ADCY8: variants seen among roughly 807,000 people sequenced by gnomAD.
ADCY8 encodes adenylate cyclase type 8.
Under a neutral mutation model 119.7 loss-of-function variants are expected in ADCY8, and 51 were observed. That is an observed-to-expected ratio of 0.43 (90% confidence interval 0.34 to 0.54). The LOEUF is 0.54. Among genes scored for constraint, ADCY8 ranks in the 20% least tolerant of loss-of-function variants. The pLI, the probability that ADCY8 is intolerant of heterozygous loss-of-function variation, is 0.03. For missense variants in ADCY8, 1,383 were observed against 1,598.8 expected (o/e 0.87, Z 2.30); for synonymous variants, 665 against 651.0 (o/e 1.02, Z -0.33).
At chr8:130,939,780 C>A (rs1315556472) in intron 4 of ADCY8, among the ~76,000 whole-genome samples, 3 of 152,160 alleles carry the variant, frequency 2.0e-5, no homozygotes, top group Admixed American at 6.5e-5. Flanking sequence ...ACAACTGACA[C>A]CTGGAAGTAG....
At chr8:131,007,824 G>A (rs1823170397) in intron 1 of ADCY8, among the ~76,000 whole-genome samples, 1 of 152,166 alleles carries the variant, frequency 6.6e-6, no homozygotes, top group Admixed American at 6.5e-5. Flanking sequence ...AGTAGTTCAG[G>A]TCTGGTGAGG....
chr8:131,017,547 C>T (rs1823519499), intron 1 of ADCY8, among the ~76,000 whole-genome samples: 1 of 152,146 alleles, frequency 6.6e-6, no homozygotes, highest in Admixed American at 6.5e-5. Context: ...ATGGGAAAAG[C>T]TAGGAAGCCA....
chr8:130,789,130 T>C (rs1333844862), intron 15 of ADCY8, among the ~76,000 whole-genome samples: 3 of 152,214 alleles, frequency 2.0e-5, no homozygotes, highest in Non-Finnish European at 4.4e-5. Flanking sequence ...TGTCTAAACA[T>C]ATCAAAACTT....
chr8:130,942,126 T>C lies in ADCY8; in HGVS notation c.1353+1225A>G, dbSNP rs138936576. On this transcript the variant is annotated intron_variant, in intron 4 of 17. Coordinates refer to ENST00000286355, the MANE Select transcript of ADCY8 (RefSeq NM_001115.3). ...ACTTATCTGTTTTCTGCCTCTGTAA[T>C]TGTACCTTTTATAGGATGTCTTGTA... Among the ~76,000 whole-genome samples, 1,049 of 152,320 alleles carry C rather than the reference T, an allele frequency of 6.9e-3. 15 individuals are homozygous for C. Among genetic ancestry groups the C allele is most frequent in the African/African-American group, 0.024 (988 of 41,548 alleles).
Position 131,039,555 on chromosome 8 carries a change from G to C in ADCY8, c.779C>G (p.Ala260Gly), listed in dbSNP as rs371846387. Residue 260 changes from alanine to glycine, a missense_variant, in exon 1 of 18, where the codon GCA becomes GGA. Transcript: ENST00000286355. ...WVAMTTQILA[A>G]GLGYGLLGDG... ...GCCCAGGAGCCCGTAGCCGAGGCCTGCTGCCAGGATCTGGGTGGTCATGGC... is the reference window on the plus strand; with the variant it reads ...GCCCAGGAGCCCGTAGCCGAGGCCTCCTGCCAGGATCTGGGTGGTCATGGC... The C allele has an allele frequency of 4.3e-6, 7 of 1,613,704 alleles. No homozygotes were observed. The East Asian group carries it at 1.3e-4, about 31-fold the overall frequency.
chr8:130,979,965 T>C (rs1428262484), intron 2 of ADCY8, among the ~76,000 whole-genome samples: 1 of 152,138 alleles, frequency 6.6e-6, no homozygotes, highest in African/African-American at 2.4e-5. Flanking sequence ...ACAATAGAAA[T>C]GTATTCTCCT....
At chr8:130,849,275 C>A (rs1817435294) in intron 10 of ADCY8, among the ~76,000 whole-genome samples, 1 of 152,152 alleles carries the variant, frequency 6.6e-6, no homozygotes, top group Admixed American at 6.5e-5. Flanking sequence ...GTGCATGGCA[C>A]ATAGCAGGTA....
At chr8:130,823,434 A>G (rs1816579788) in intron 12 of ADCY8, among the ~76,000 whole-genome samples, 1 of 152,214 alleles carries the variant, frequency 6.6e-6, no homozygotes, top group East Asian at 1.9e-4. Context: ...AATGACTGAA[A>G]TCTGTACTGT....
In ADCY8 at chr8:130,798,464, G is replaced by T. The variant is rs551093150; in HGVS notation, c.3060+1962C>A. Among the ~76,000 whole-genome samples, 18 of 152,298 alleles carry T rather than the reference G, an allele frequency of 1.2e-4. No homozygotes were observed. The South Asian group carries it at 3.7e-3, about 32-fold the overall frequency. On this transcript the variant is annotated intron_variant, in intron 15 of 17. Coordinates refer to ENST00000286355, the MANE Select transcript of ADCY8 (RefSeq NM_001115.3). Reference sequence around the variant, plus strand: ...AGAAAGTGCAGTGTGTGAGAGCCAGGTGGGCTTGTTGGCTTGTAAGTAGTT... The same window carrying T: ...AGAAAGTGCAGTGTGTGAGAGCCAGTTGGGCTTGTTGGCTTGTAAGTAGTT...
At chr8:130,842,838 T>G (rs991940764) in intron 11 of ADCY8, among the ~76,000 whole-genome samples, 1 of 148,280 alleles carries the variant, frequency 6.7e-6, no homozygotes, top group East Asian at 2.0e-4. Flanking sequence ...CACCACTGCA[T>G]TTCAGCCTGA....
intron 14 of ADCY8, 91 bp downstream of exon 14, chr8:130,813,976 AGT>A: frequency 6.8e-7 from 1 of 1,475,624 alleles, no homozygotes; most frequent in Non-Finnish European, 9.3e-7. Flanking sequence ...ACATGATGAC[AGT>A]GAAATTCTCC....
rs557461688 is a variant in ADCY8, at chr8:130,880,176, C to G, written c.2109+4388G>C. 9.9e-5 allele frequency among the ~76,000 whole-genome samples: 15 copies of G among 152,204 alleles called. No individual in the cohort carries two copies. The South Asian group carries it at 3.1e-3, about 32-fold the overall frequency. On this transcript the variant is annotated intron_variant, in intron 8 of 17. Transcript: ENST00000286355. ...AACCTCTTTCTTTTGTAAATTGCCC[C>G]ATCTTAGGTATGTCTTTTTCAGCAG... is the stretch of plus-strand genomic sequence containing the variant.
chr8:130,787,870 A>C (rs62520511), intron 15 of ADCY8, among the ~76,000 whole-genome samples: 5,191 of 151,722 alleles, frequency 0.034, 143 homozygotes, highest in Admixed American at 0.078. Flanking sequence ...ATATATGTAC[A>C]TATGTGTGTG....
At chr8:131,018,507 C>T (rs538975667) in intron 1 of ADCY8, among the ~76,000 whole-genome samples, 34 of 152,152 alleles carry the variant, frequency 2.2e-4, no homozygotes, top group South Asian at 8.3e-4. Flanking sequence ...GCATTGTTCT[C>T]AAGAGTGGAG....
At chr8:130,897,891 G>A (rs1031679325) in intron 7 of ADCY8, among the ~76,000 whole-genome samples, 8 of 148,766 alleles carry the variant, frequency 5.4e-5, no homozygotes, top group Non-Finnish European at 1.0e-4. Flanking sequence ...CATACATACC[G>A]TACACACATA....
At chr8:130,864,961 A>G (rs1244179064) in intron 9 of ADCY8, among the ~76,000 whole-genome samples, 2 of 152,120 alleles carry the variant, frequency 1.3e-5, no homozygotes, top group Non-Finnish European at 2.9e-5. Flanking sequence ...AAGTAAATAG[A>G]TATTTTCTGT....
intron 12 of ADCY8, among the ~76,000 whole-genome samples, chr8:130,822,662 T>C (rs2130205470): frequency 6.6e-6 from 1 of 152,174 alleles, no homozygotes; most frequent in Admixed American, 6.5e-5. Flanking sequence ...TACCATCCTT[T>C]TATTCTTTCA....
chr8:130,790,267 T>C (rs1351668576), intron 15 of ADCY8, among the ~76,000 whole-genome samples: 1 of 152,192 alleles, frequency 6.6e-6, no homozygotes, highest in Non-Finnish European at 1.5e-5. Flanking sequence ...CATTCTCAGA[T>C]ATGATTATTA....
At chr8:130,856,995 T>C (rs965978468) in intron 9 of ADCY8, among the ~76,000 whole-genome samples, 13 of 151,166 alleles carry the variant, frequency 8.6e-5, no homozygotes, top group Non-Finnish European at 4.4e-5. Flanking sequence ...CACACAAAAG[T>C]ATAGCTTAAT....
Sources: gnomAD v4.1 joint callset for allele counts (sites outside exome capture counted in the v4.1 genomes callset) on GRCh38, gnomAD v4.1.1 for gene constraint, MANE v1.5 for transcripts, NCBI Gene and HGNC (gene_info 2026-07-23, HGNC 2026-07-21) for gene names.